The following SGCD variants were observed in gnomAD, a reference collection of about 807,000 sequenced individuals.
SGCD encodes the protein sarcoglycan delta, also known as delta-sarcoglycan.
Under a neutral mutation model 36.6 loss-of-function variants are expected in SGCD, and 18 were observed. That is an observed-to-expected ratio of 0.49 (90% confidence interval 0.34 to 0.73). The LOEUF (loss-of-function observed/expected upper bound fraction) is 0.73. Ranked by LOEUF, SGCD falls within the 30% of genes least tolerant of loss-of-function variation. The pLI is 0.01. For synonymous variants in SGCD, 133 were observed against 130.6 expected (o/e 1.02, Z -0.12); for missense variants, 387 against 346.7 (o/e 1.12, Z -0.92).
chr5:156,549,651 C>A (rs183426527), intron 4 of SGCD, among the ~76,000 whole-genome samples: 297 of 152,330 alleles, frequency 1.9e-3, no homozygotes, highest in African/African-American at 7.1e-3. Context: ...TTAATTGTGG[C>A]ATTAGTTTTT....
At chr5:155,763,284 G>A in the SGCD span, among the ~76,000 whole-genome samples, 4 of 152,174 alleles carry the variant, frequency 2.6e-5, no homozygotes, top group Non-Finnish European at 5.9e-5. Context: ...ACCTCTTAGA[G>A]GGCATATTAT....
intron 3 of SGCD, among the ~76,000 whole-genome samples, chr5:156,185,371 T>A (rs13186876): frequency 6.7e-6 from 1 of 149,790 alleles, no homozygotes; most frequent in Non-Finnish European, 1.5e-5. Context: ...CCCGCCACCA[T>A]GCCCGGCAAA....
intron 3 of SGCD, among the ~76,000 whole-genome samples, chr5:156,269,505 A>AAAAAAAAAAAAAAAAAAAAAACAAAAC (rs1189540837): frequency 1.2e-5 from 1 of 86,174 alleles, no homozygotes; most frequent in Non-Finnish European, 2.4e-5. Flanking sequence ...AAAAAAAAAA[A>AAAAAAAAAAAAAAAAAAAAAACAAAAC]AAAAACCATC....
At chr5:156,549,344 A>G (rs1485047142) in intron 4 of SGCD, among the ~76,000 whole-genome samples, 1 of 152,194 alleles carries the variant, frequency 6.6e-6, no homozygotes, top group East Asian at 1.9e-4. Context: ...GGTGTTTTAT[A>G]GCCCTGGATT....
At chr5:156,435,279 G>A (rs1374255752) in intron 3 of SGCD, among the ~76,000 whole-genome samples, 2 of 152,166 alleles carry the variant, frequency 1.3e-5, no homozygotes, top group Non-Finnish European at 2.9e-5. Context: ...TTGTGCCCTA[G>A]ACACAAAGAT....
intron 1 of SGCD, among the ~76,000 whole-genome samples, chr5:156,067,834 ACT>A (rs1760374843): frequency 7.2e-6 from 1 of 139,736 alleles, no homozygotes; most frequent in Admixed American, 6.8e-5. Context: ...GCCTGCGCCC[ACT>A]GTCTGGCACT....
chr5:156,531,437 A>G (rs1348207591), intron 4 of SGCD, among the ~76,000 whole-genome samples: 1 of 152,230 alleles, frequency 6.6e-6, no homozygotes, highest in Non-Finnish European at 1.5e-5. Flanking sequence ...CAGCATTATG[A>G]TAGATGTTAC....
At chr5:156,428,175 T>A (rs1396156337) in intron 3 of SGCD, among the ~76,000 whole-genome samples, 1 of 152,156 alleles carries the variant, frequency 6.6e-6, no homozygotes, top group Non-Finnish European at 1.5e-5. Context: ...TGGACTTTTT[T>A]TGTTGGTAGG....
intron 1 of SGCD, among the ~76,000 whole-genome samples, chr5:156,078,987 T>G (rs1760875386): frequency 7.0e-6 from 1 of 143,220 alleles, no homozygotes. Flanking sequence ...ATTGCATTGG[T>G]ATAAAGAAAT....
the SGCD span, among the ~76,000 whole-genome samples, chr5:155,850,408 GAGAC>G: frequency 1.3e-5 from 2 of 151,726 alleles, no homozygotes; most frequent in Non-Finnish European, 2.9e-5. Flanking sequence ...TAGAGACAGA[GAGAC>G]AGAGACAGAG....
At chr5:156,408,812 A>C (rs1014216783) in intron 3 of SGCD, among the ~76,000 whole-genome samples, 2 of 152,216 alleles carry the variant, frequency 1.3e-5, no homozygotes, top group Non-Finnish European at 2.9e-5. Flanking sequence ...GTGTCTAGAA[A>C]GAAGTTGAAA....
intron 7 of SGCD, among the ~76,000 whole-genome samples, chr5:156,655,255 T>G (rs1411223405): frequency 6.6e-6 from 1 of 152,168 alleles, no homozygotes; most frequent in Non-Finnish European, 1.5e-5. Flanking sequence ...TCAAAACGCT[T>G]CTCCATTGAG....
At chr5:156,696,899 C>A (rs990130132) in intron 7 of SGCD, among the ~76,000 whole-genome samples, 2 of 149,958 alleles carry the variant, frequency 1.3e-5, no homozygotes, top group Non-Finnish European at 3.0e-5. Flanking sequence ...CTTCTCTCCC[C>A]ATCATCCTTA....
At chr5:156,238,182 A>G (rs1263423455) in intron 3 of SGCD, among the ~76,000 whole-genome samples, 1 of 152,158 alleles carries the variant, frequency 6.6e-6, no homozygotes, top group Admixed American at 6.5e-5. Flanking sequence ...GGCTCAAGCG[A>G]TCCTTCCGCC....
intron 6 of SGCD, among the ~76,000 whole-genome samples, chr5:156,613,242 T>A (rs1433252735): frequency 2.0e-5 from 3 of 152,270 alleles, no homozygotes; most frequent in Non-Finnish European, 4.4e-5. Flanking sequence ...GTCAGCCATC[T>A]TGCTGTTTCA....
the SGCD span, among the ~76,000 whole-genome samples, chr5:155,735,899 T>C: frequency 4.6e-4 from 70 of 152,256 alleles, no homozygotes; most frequent in Non-Finnish European, 9.3e-4. Flanking sequence ...TTGTATGTGA[T>C]ATTTCAAGAA....
At chr5:156,602,653 G>C (rs771960292) in intron 6 of SGCD, among the ~76,000 whole-genome samples, 13 of 152,038 alleles carry the variant, frequency 8.6e-5, no homozygotes, top group Non-Finnish European at 1.6e-4. Context: ...CTTGCAATTG[G>C]ATTTTGAGTT....
In SGCD at chr5:156,740,914, T is replaced by C. The variant is rs1756638524; in HGVS notation, c.576-16667T>C. 2.6e-5 allele frequency among the ~76,000 whole-genome samples: 4 copies of C among 152,202 alleles called. No individual in the cohort carries two copies. The South Asian group carries it at 8.3e-4, about 31-fold the overall frequency. On this transcript the variant is annotated intron_variant, in intron 7 of 8. Coordinates refer to ENST00000337851, the MANE Select transcript of SGCD (RefSeq NM_000337.6). ...TAATTGACCAAAAATACACCAACTT[T>C]ATACCTTCCCACCAGTTTTTTCTAA...
chr5:156,579,030 C>CT (rs1453849695), intron 4 of SGCD, among the ~76,000 whole-genome samples: 58 of 152,268 alleles, frequency 3.8e-4, no homozygotes, highest in African/African-American at 1.4e-3. Context: ...ATCTTTCCTG[C>CT]TTTTTCTTGT....
Sources: allele counts gnomAD v4.1 joint callset (sites outside exome capture counted in the v4.1 genomes callset), GRCh38; gene constraint gnomAD v4.1.1; transcripts MANE v1.5; gene names NCBI Gene and HGNC (gene_info 2026-07-23, HGNC 2026-07-21).